TMEM132B: variants seen among roughly 807,000 people sequenced by gnomAD.
TMEM132B encodes the protein transmembrane protein 132B.
A neutral mutation model predicts 90.8 loss-of-function variants in TMEM132B; 18 were observed. The observed-to-expected ratio is 0.20, with a 90% confidence interval of 0.14 to 0.29. The LOEUF (loss-of-function observed/expected upper bound fraction) is 0.29, where lower values mean the gene tolerates loss of function less well. TMEM132B is among the 10% of genes least tolerant of loss of function. The pLI is 1.00. For missense variants in TMEM132B, 1,096 were observed against 1,326.8 expected, an observed-to-expected ratio of 0.83 and a Z score of 2.70; for synonymous variants, 504 against 523.3, an observed-to-expected ratio of 0.96 and a Z score of 0.50.
At chr12:125,295,515 T>TGTGTGTGA (rs531489519) in intron 1 of TMEM132B, among the ~76,000 whole-genome samples, 7 of 142,332 alleles carry the variant, frequency 4.9e-5, no homozygotes, top group Admixed American at 1.4e-4. Flanking sequence ...TGTGTGTGTG[T>TGTGTGTGA]GAGAGAGAGA....
intron 4 of TMEM132B, among the ~76,000 whole-genome samples, chr12:125,551,125 T>G (rs1367919381): frequency 6.6e-6 from 1 of 152,254 alleles, no homozygotes; most frequent in African/African-American, 2.4e-5. Flanking sequence ...GGAGCTGGTT[T>G]AACGTGTGTA....
Position 125,498,556 on chromosome 12 carries a change from G to A in TMEM132B, c.1107-20883G>A, listed in dbSNP as rs934815193. Among the ~76,000 whole-genome samples the A allele has an allele frequency of 7.2e-5, 11 of 152,176 alleles. No individual in the cohort carries two copies. Among genetic ancestry groups the A allele is most frequent in the Non-Finnish European group, 1.3e-4 (9 of 68,044 alleles). On this transcript the variant is annotated intron_variant, in intron 3 of 8. Transcript: ENST00000682704. This position sits in a 1 kb window ranked among gnomAD's most constrained non-coding sequence, Gnocchi z 4.5. The stretch of plus-strand genomic sequence containing the variant: ...TAGGACATTGCAGTCCATGTGCCAC[G>A]TCTTGTTAGCCTGTGTTTTATAAAC...
At position 125,490,283 on chromosome 12, in the gene TMEM132B, G is replaced by A. The variant is rs893550525; in HGVS notation, c.1107-29156G>A. 3.3e-5 allele frequency among the ~76,000 whole-genome samples: 5 copies of A among 152,050 alleles called. No individual in the cohort carries two copies. The highest frequency in any genetic ancestry group is 4.1e-4 in the South Asian group (2 of 4,826). ...CATTTACAGATGAGGAAACTGAAGC[G>A]TGAAGAGACTAAACCCAAGGTAACT... On this transcript the variant is annotated intron_variant, in intron 3 of 8. Coordinates refer to ENST00000682704, the MANE Select transcript of TMEM132B (RefSeq NM_001366854.1). This position sits in a 1 kb window ranked among gnomAD's most constrained non-coding sequence, Gnocchi z 4.2.
intron 2 of TMEM132B, among the ~76,000 whole-genome samples, chr12:125,409,240 A>T (rs1455022975): frequency 6.6e-6 from 1 of 152,156 alleles, no homozygotes; most frequent in South Asian, 2.1e-4. Context: ...GGGAAGAGGG[A>T]CTGAGATAGG....
intron 8 of TMEM132B, among the ~76,000 whole-genome samples, chr12:125,652,888 C>A (rs1187254403): frequency 6.6e-6 from 1 of 152,258 alleles, no homozygotes; most frequent in Non-Finnish European, 1.5e-5. Flanking sequence ...CTGTGACAGG[C>A]ACAGCCTGCT....
intron 1 of TMEM132B, among the ~76,000 whole-genome samples, chr12:125,299,248 A>G (rs1435171309): frequency 1.3e-5 from 2 of 151,862 alleles, no homozygotes; most frequent in African/African-American, 4.8e-5. Context: ...AAGTCACCCC[A>G]CTGTCTCTCC....
At chr12:125,265,179 C>T (rs140200087) in intron 1 of TMEM132B, among the ~76,000 whole-genome samples, 57 of 152,224 alleles carry the variant, frequency 3.7e-4, no homozygotes, top group African/African-American at 1.2e-3. Flanking sequence ...GGTCTGTTGT[C>T]GACAGAAATG....
chr12:125,515,476 C>T lies in TMEM132B; in HGVS notation c.1107-3963C>T, dbSNP rs558624488. Among the ~76,000 whole-genome samples the T allele has an allele frequency of 3.2e-3, 370 of 114,470 alleles. 5 individuals are homozygous for T. The highest frequency in any genetic ancestry group is 0.017 in the African/African-American group (353 of 21,004). 75.1% of individuals were successfully genotyped at this position (114,470 alleles called of 152,430 possible). A position where few individuals can be genotyped will look rare whatever the true frequency, so the allele number is the denominator to read the frequency against. ...ATTCCCTCACAGAAACACATTCACA[C>T]ATTGTCACACTCACACACATACATT... On this transcript the variant is annotated intron_variant, in intron 3 of 8. Coordinates refer to ENST00000682704, the MANE Select transcript of TMEM132B (RefSeq NM_001366854.1).
At chr12:125,344,047 T>C (rs1449466458) in intron 1 of TMEM132B, among the ~76,000 whole-genome samples, 1 of 152,224 alleles carries the variant, frequency 6.6e-6, no homozygotes, top group African/African-American at 2.4e-5. Context: ...TGCTAGGTAC[T>C]GGAGATTGTG....
At chr12:125,386,643 T>C (rs1878844160) in intron 2 of TMEM132B, among the ~76,000 whole-genome samples, 1 of 152,158 alleles carries the variant, frequency 6.6e-6, no homozygotes, top group Admixed American at 6.5e-5. Context: ...CTGAATAAAG[T>C]AAGACAGGCA....
intron 4 of TMEM132B, among the ~76,000 whole-genome samples, chr12:125,549,349 C>T (rs565827074): frequency 1.3e-5 from 2 of 152,316 alleles, no homozygotes; most frequent in Admixed American, 1.3e-4. Flanking sequence ...AAACAGCCTC[C>T]CTTTCAGATC....
At chr12:125,463,527 T>C (rs1168242732) in intron 3 of TMEM132B, among the ~76,000 whole-genome samples, 2 of 152,218 alleles carry the variant, frequency 1.3e-5, no homozygotes, top group Non-Finnish European at 2.9e-5. Context: ...TTGCCTGGAC[T>C]GATTGTCTTT....
At chr12:125,512,747 G>T (rs1883013207) in intron 3 of TMEM132B, among the ~76,000 whole-genome samples, 1 of 152,170 alleles carries the variant, frequency 6.6e-6, no homozygotes, top group South Asian at 2.1e-4. Context: ...AACTGCCCTT[G>T]ACAAAACGGA....
intron 4 of TMEM132B, among the ~76,000 whole-genome samples, chr12:125,582,023 A>G (rs1885065541): frequency 6.6e-6 from 1 of 152,178 alleles, no homozygotes; most frequent in Non-Finnish European, 1.5e-5. Flanking sequence ...TGTAAAAAAC[A>G]AACTTAATTT....
chr12:125,489,552 G>A (rs970753585), intron 3 of TMEM132B, among the ~76,000 whole-genome samples: 10 of 151,958 alleles, frequency 6.6e-5, no homozygotes, highest in African/African-American at 1.4e-4. Flanking sequence ...GACTACAGAC[G>A]TATGCCACCA....
intron 5 of TMEM132B, among the ~76,000 whole-genome samples, chr12:125,619,668 C>T (rs1886074559): frequency 6.6e-6 from 1 of 152,102 alleles, no homozygotes; most frequent in Non-Finnish European, 1.5e-5. Context: ...CCCGGCCCTG[C>T]TGTGGCATTT....
rs985919874 is a variant in TMEM132B at position 125,186,401 on chromosome 12, C to T, written c.-399C>T. The stretch of plus-strand genomic sequence containing the variant: ...TCGCTCGCTCACTCTCTCGCTGGCT[C>T]GAGGGGCGGCCGGCAGATGGCGATG... On this transcript the variant is annotated 5_prime_UTR_variant, in exon 1 of 9. Coordinates refer to ENST00000682704, the MANE Select transcript of TMEM132B (RefSeq NM_001366854.1). The surrounding 1 kb of genome is among the most constrained non-coding windows in gnomAD (Gnocchi z 6.3). 6.8e-6 allele frequency among the ~76,000 whole-genome samples: 1 copy of T among 147,220 alleles called. No individual in the cohort carries two copies. The highest frequency in any genetic ancestry group is 1.5e-5 in the Non-Finnish European group (1 of 66,194).
In TMEM132B at chr12:125,528,559, G is replaced by A. The variant is rs1016355359; in HGVS notation, c.1293+8934G>A. Among the ~76,000 whole-genome samples the A allele has an allele frequency of 3.3e-5, 5 of 152,326 alleles. No homozygotes were observed. In the East Asian group the frequency reaches 5.8e-4, roughly 18 times the overall value. On this transcript the variant is annotated intron_variant, in intron 4 of 8. Coordinates refer to ENST00000682704, the MANE Select transcript of TMEM132B (RefSeq NM_001366854.1). ...GCCGAGCACTGTTCTGGTGAATGGCGATGAATTAGGCAGACAAGGCCTCAA... is the reference window on the plus strand; with the variant it reads ...GCCGAGCACTGTTCTGGTGAATGGCAATGAATTAGGCAGACAAGGCCTCAA...
intron 4 of TMEM132B, among the ~76,000 whole-genome samples, chr12:125,544,429 T>C (rs537218272): frequency 6.6e-6 from 1 of 152,298 alleles, no homozygotes; most frequent in African/African-American, 2.4e-5. Context: ...AGAGGTTTAT[T>C]AGGTGGCCTG....
Sources: allele counts gnomAD v4.1 joint callset (sites outside exome capture counted in the v4.1 genomes callset), GRCh38; gene constraint gnomAD v4.1.1; non-coding constraint Gnocchi (gnomAD v3.1); transcripts MANE v1.5; gene names NCBI Gene and HGNC (gene_info 2026-07-23, HGNC 2026-07-21).